The following ZDHHC7 variants were observed in gnomAD, a reference collection of about 807,000 sequenced individuals.
The protein encoded by ZDHHC7 is palmitoyltransferase ZDHHC7.
A neutral mutation model predicts 34.1 loss-of-function variants in ZDHHC7; 12 were observed. That is an observed-to-expected ratio of 0.35 (90% CI 0.23 to 0.57). The LOEUF is 0.57. Among genes scored for constraint, ZDHHC7 ranks in the 20% least tolerant of loss-of-function variants. ZDHHC7 has a pLI of 0.84. For synonymous variants in ZDHHC7, 185 were observed against 155.4 expected, an observed-to-expected ratio of 1.19 and a Z score of -1.42; for missense variants, 388 against 402.7, an observed-to-expected ratio of 0.96 and a Z score of 0.31.
chr16:84,977,356 G>T, intron 6 of ZDHHC7, 131 bp from the exon 7 acceptor site: 1 of 1,192,274 alleles, frequency 8.4e-7, no homozygotes, highest in Non-Finnish European at 1.2e-6. Flanking sequence ...CTTTCTAAAT[G>T]GGCACATTCA....
At chr16:84,979,568 T>C (rs2072339892) in intron 4 of ZDHHC7, among the ~76,000 whole-genome samples, 1 of 152,206 alleles carries the variant, frequency 6.6e-6, no homozygotes, top group Non-Finnish European at 1.5e-5. Flanking sequence ...AGCTGGATCA[T>C]GTACACCTAT....
In ZDHHC7 at chr16:84,974,403, G is replaced by A. The variant is rs980949903; in HGVS notation, c.*1940C>T. ...GCCTGGGGCTGGGCCCACGAAGCAC[G>A]GAAAGGCACCCCCTGAAAACACCAC... On this transcript the variant is annotated 3_prime_UTR_variant, in exon 8 of 8. Transcript: ENST00000313732. The A allele has an allele frequency of 3.9e-5, 6 of 152,274 alleles. No homozygotes were observed. Among genetic ancestry groups the A allele is most frequent in the South Asian group, 2.1e-4 (1 of 4,830 alleles). The allele number at this position is 152,274 out of a possible 1,614,324, so 9.4% of individuals were successfully genotyped here.
chr16:85,001,223 C>T (rs1186235189), intron 1 of ZDHHC7, among the ~76,000 whole-genome samples: 1 of 152,134 alleles, frequency 6.6e-6, no homozygotes, highest in African/African-American at 2.4e-5. Context: ...GTAATCCCAG[C>T]ACTTTGGGAG....
intron 5 of ZDHHC7, among the ~76,000 whole-genome samples, chr16:84,978,493 G>A (rs1038241298): frequency 1.4e-4 from 22 of 152,098 alleles, no homozygotes; most frequent in African/African-American, 5.1e-4. Context: ...CAGCACTTTG[G>A]GAGGCCAAGA....
At chr16:84,984,173 C>T (rs954701567) in intron 3 of ZDHHC7, among the ~76,000 whole-genome samples, 2 of 151,960 alleles carry the variant, frequency 1.3e-5, no homozygotes, top group African/African-American at 4.8e-5. Context: ...GCGTGCGCCA[C>T]CACACCCGGC....
chr16:84,977,660 G>T (rs1420043128), intron 6 of ZDHHC7, among the ~76,000 whole-genome samples: 2 of 152,162 alleles, frequency 1.3e-5, no homozygotes, highest in African/African-American at 4.8e-5. Flanking sequence ...CTTGCTTAGG[G>T]TCGGTCACTC....
intron 1 of ZDHHC7, among the ~76,000 whole-genome samples, chr16:85,009,367 G>C (rs1028466935): frequency 6.6e-6 from 1 of 151,968 alleles, no homozygotes; most frequent in Non-Finnish European, 1.5e-5. Context: ...CACTGAGAGG[G>C]CCATTCTATT....
At chr16:84,979,940 T>C (rs1041484203) in intron 4 of ZDHHC7, among the ~76,000 whole-genome samples, 4 of 147,374 alleles carry the variant, frequency 2.7e-5, no homozygotes, top group Non-Finnish European at 5.9e-5. Flanking sequence ...CTTGCTATCA[T>C]AGCGTCACCT....
intron 3 of ZDHHC7, among the ~76,000 whole-genome samples, chr16:84,983,964 CAAAA>C (rs201105181): frequency 4.7e-5 from 6 of 128,944 alleles, no homozygotes; most frequent in African/African-American, 1.1e-4. Context: ...TGCACTCCAG[CAAAA>C]AAAAAAAAAA....
chr16:85,018,884 G>C, the ZDHHC7 span, among the ~76,000 whole-genome samples: 3 of 152,180 alleles, frequency 2.0e-5, no homozygotes, highest in African/African-American at 4.8e-5. Flanking sequence ...GTGGTGTTGA[G>C]TTCAACAGCC....
rs2072282880 is a variant in ZDHHC7, at chr16:84,975,451, A to G, written c.*892T>C. ...ATACACTGCTAATTTGGCTGGAACA[A>G]AAAAAAAAAATCAGTTCCAAGGCCC... On this transcript the variant is annotated 3_prime_UTR_variant, in exon 8 of 8. Transcript: ENST00000313732. 1 of 149,738 alleles carries G rather than the reference A, an allele frequency of 6.7e-6. No individual in the cohort carries two copies. The highest frequency in any genetic ancestry group is 6.7e-5 in the Admixed American group (1 of 14,988). 9.3% of individuals were successfully genotyped at this position (149,738 alleles called of 1,614,324 possible).
the ZDHHC7 span, among the ~76,000 whole-genome samples, chr16:85,020,475 A>C: frequency 6.6e-6 from 1 of 152,176 alleles, no homozygotes; most frequent in Admixed American, 6.5e-5. Context: ...TGATACACCC[A>C]GGACTCTGAC....
Position 84,981,855 on chromosome 16 carries a change from C to A in ZDHHC7, c.440+15G>T. ...GTGGCGGATGCGCTCGGGTTTAATA[C>A]AGCAGCGCACGTACCTGCAGTGGTG... On this transcript the variant is annotated intron_variant, in intron 4 of 7. Coordinates refer to ENST00000313732, the MANE Select transcript of ZDHHC7 (RefSeq NM_017740.3). The A allele has an allele frequency of 6.2e-7, 1 of 1,613,490 alleles. No homozygotes were observed. Among genetic ancestry groups the A allele is most frequent in the East Asian group, 2.2e-5 (1 of 44,872 alleles).
rs138124871 is a variant in ZDHHC7, at chr16:84,980,317, C to A, written c.441-1032G>T. ...ACCTTGGCTCCCTGCCCGACCTCCA[C>A]AGCACCTGACTTCCAAAACATTCCC... On this transcript the variant is annotated intron_variant, in intron 4 of 7. Transcript: ENST00000313732. Among the ~76,000 whole-genome samples the A allele has an allele frequency of 5.6e-3, 848 of 152,158 alleles. 6 individuals are homozygous for A. Among genetic ancestry groups the A allele is most frequent in the African/African-American group, 0.019 (792 of 41,520 alleles).
At chr16:85,025,267 T>TAA in the ZDHHC7 span, among the ~76,000 whole-genome samples, 1 of 141,454 alleles carries the variant, frequency 7.1e-6, no homozygotes, top group South Asian at 2.2e-4. Flanking sequence ...TGAGATGATT[T>TAA]AAAAAAAAAA....
intron 4 of ZDHHC7, among the ~76,000 whole-genome samples, chr16:84,980,445 G>A (rs1258096073): frequency 6.6e-6 from 1 of 151,994 alleles, no homozygotes; most frequent in Non-Finnish European, 1.5e-5. Flanking sequence ...CGAGGCAGGT[G>A]GATCACCTGA....
chr16:84,984,916 G>A (rs1267912857), intron 3 of ZDHHC7, among the ~76,000 whole-genome samples: 5 of 152,196 alleles, frequency 3.3e-5, no homozygotes, highest in Admixed American at 6.5e-5. Flanking sequence ...GCCAGGATGT[G>A]CCCACGATGA....
intron 3 of ZDHHC7, 106 bp from the exon 4 acceptor site, chr16:84,982,100 G>C: frequency 6.8e-7 from 1 of 1,471,984 alleles, no homozygotes; most frequent in Non-Finnish European, 9.3e-7. Flanking sequence ...GGGAGGCTGA[G>C]GCGGGTGGAT....
upstream of ZDHHC7, among the ~76,000 whole-genome samples, chr16:85,015,002 C>T (rs2072828301): frequency 6.6e-6 from 1 of 152,008 alleles, no homozygotes; most frequent in African/African-American, 2.4e-5. Context: ...TATCTAAAGA[C>T]CTGGAGCCAA....
Sources: gnomAD v4.1 joint callset for allele counts (sites outside exome capture counted in the v4.1 genomes callset) on GRCh38, gnomAD v4.1.1 for gene constraint, MANE v1.5 for transcripts, NCBI Gene and HGNC (gene_info 2026-07-23, HGNC 2026-07-21) for gene names.